LRRC4C: variants seen among roughly 807,000 people sequenced by gnomAD.
LRRC4C encodes leucine-rich repeat-containing protein 4C.
A neutral mutation model predicts 33.6 loss-of-function variants in LRRC4C; 5 were observed. The observed-to-expected ratio is 0.15, with a 90% CI of 0.08 to 0.31. The LOEUF (loss-of-function observed/expected upper bound fraction) is 0.31. Ranked by LOEUF, LRRC4C falls within the 10% of genes least tolerant of loss-of-function variation. The pLI is 1.00. For missense variants in LRRC4C, 560 were observed against 796.7 expected (o/e 0.70, Z 3.58); for synonymous variants, 329 against 302.0 (o/e 1.09, Z -0.93).
At chr11:41,184,457 C>A (rs1945598582) in intron 1 of LRRC4C, among the ~76,000 whole-genome samples, 1 of 152,098 alleles carries the variant, frequency 6.6e-6, no homozygotes, top group Admixed American at 6.6e-5. Context: ...AGGGCAGGGG[C>A]TAAATGACAC....
chr11:40,367,016 A>G (rs1005561661), intron 3 of LRRC4C, among the ~76,000 whole-genome samples: 3 of 152,098 alleles, frequency 2.0e-5, no homozygotes, highest in African/African-American at 7.2e-5. Flanking sequence ...AGCTCCTTTC[A>G]GAAGATTCTA....
chr11:40,191,871 A>G (rs758680031), intron 5 of LRRC4C, among the ~76,000 whole-genome samples: 3 of 152,138 alleles, frequency 2.0e-5, no homozygotes, highest in Non-Finnish European at 4.4e-5. Context: ...GAGGCAAAAG[A>G]ATCGCTTGAG....
intron 3 of LRRC4C, among the ~76,000 whole-genome samples, chr11:40,408,701 T>C (rs1950047469): frequency 6.6e-6 from 1 of 151,982 alleles, no homozygotes; most frequent in South Asian, 2.1e-4. Context: ...AGTAATATTT[T>C]GTGACACATG....
intron 3 of LRRC4C, among the ~76,000 whole-genome samples, chr11:40,444,790 T>C (rs1215384386): frequency 6.6e-6 from 1 of 152,202 alleles, no homozygotes; most frequent in African/African-American, 2.4e-5. Context: ...ACTGTCAAAT[T>C]CTCTCAGGAA....
chr11:40,279,897 T>G (rs1943357041), intron 4 of LRRC4C, among the ~76,000 whole-genome samples: 1 of 152,182 alleles, frequency 6.6e-6, no homozygotes, highest in Non-Finnish European at 1.5e-5. Context: ...ATAATTTCAT[T>G]TTAAAATCTT....
chr11:41,229,146 G>T (rs1947671853), intron 1 of LRRC4C, among the ~76,000 whole-genome samples: 1 of 152,068 alleles, frequency 6.6e-6, no homozygotes, highest in Non-Finnish European at 1.5e-5. Context: ...AAATTCATAT[G>T]TTGAAGGCCT....
intron 3 of LRRC4C, among the ~76,000 whole-genome samples, chr11:40,339,238 C>G (rs1031052827): frequency 6.6e-6 from 1 of 152,172 alleles, no homozygotes; most frequent in African/African-American, 2.4e-5. Context: ...GTCAGGTATG[C>G]TATCTTTTCT....
At chr11:41,003,781 T>C (rs1194294444) in intron 1 of LRRC4C, among the ~76,000 whole-genome samples, 1 of 151,984 alleles carries the variant, frequency 6.6e-6, no homozygotes, top group Non-Finnish European at 1.5e-5. Context: ...GCAATCCAAA[T>C]ACATTTCCTT....
intron 3 of LRRC4C, among the ~76,000 whole-genome samples, chr11:40,399,397 A>G (rs936709487): frequency 3.9e-5 from 6 of 152,076 alleles, no homozygotes; most frequent in African/African-American, 4.8e-5. Context: ...CATGGATGAA[A>G]CTGGAAATCA....
At chr11:41,149,313 G>C (rs1322524437) in intron 1 of LRRC4C, among the ~76,000 whole-genome samples, 1 of 151,858 alleles carries the variant, frequency 6.6e-6, no homozygotes, top group Non-Finnish European at 1.5e-5. Flanking sequence ...AGACCATCCC[G>C]GCTAAAAAAC....
intron 3 of LRRC4C, among the ~76,000 whole-genome samples, chr11:40,619,540 C>A (rs1412749281): frequency 1.3e-5 from 2 of 151,722 alleles, no homozygotes; most frequent in Non-Finnish European, 3.0e-5. Flanking sequence ...ATCCCTAGAA[C>A]ACTAGGAAAT....
intron 1 of LRRC4C, among the ~76,000 whole-genome samples, chr11:41,417,204 A>T (rs538146865): frequency 1.3e-3 from 201 of 152,196 alleles, no homozygotes; most frequent in African/African-American, 4.6e-3. Context: ...CAGTGACAAC[A>T]CTTAATGCCC....
intron 3 of LRRC4C, among the ~76,000 whole-genome samples, chr11:40,419,901 C>A (rs1950461581): frequency 6.6e-6 from 1 of 152,082 alleles, no homozygotes; most frequent in African/African-American, 2.4e-5. Context: ...GAATGAAGCA[C>A]CAGGTCCAGA....
chr11:40,825,949 G>T (rs968351942), intron 2 of LRRC4C, among the ~76,000 whole-genome samples: 2 of 65,576 alleles, frequency 3.0e-5, no homozygotes, highest in Non-Finnish European at 8.2e-5. Context: ...CTGGGGGGGG[G>T]GCGTCTCACA....
chr11:41,085,140 T>C (rs149023608), intron 1 of LRRC4C, among the ~76,000 whole-genome samples: 13 of 152,322 alleles, frequency 8.5e-5, no homozygotes, highest in African/African-American at 2.9e-4. Context: ...AGTTTAAGAA[T>C]TGGATATTGT....
intron 2 of LRRC4C, among the ~76,000 whole-genome samples, chr11:40,925,597 TAG>T (rs1957380784): frequency 6.6e-6 from 1 of 152,160 alleles, no homozygotes; most frequent in Non-Finnish European, 1.5e-5. Flanking sequence ...TTCCTCCAGG[TAG>T]AATAGATAAC....
chr11:40,555,896 A>C (rs544001864), intron 3 of LRRC4C, among the ~76,000 whole-genome samples: 1 of 152,232 alleles, frequency 6.6e-6, no homozygotes, highest in Admixed American at 6.5e-5. Context: ...AAATTTTAAA[A>C]CCTTGATCAT....
At chr11:40,274,169 G>T (rs1942917278) in intron 4 of LRRC4C, among the ~76,000 whole-genome samples, 1 of 151,906 alleles carries the variant, frequency 6.6e-6, no homozygotes, top group Non-Finnish European at 1.5e-5. Context: ...TTGGTCACTT[G>T]GCTGCTCCCC....
intron 4 of LRRC4C, among the ~76,000 whole-genome samples, chr11:40,275,860 G>A (rs938757617): frequency 2.6e-5 from 4 of 152,166 alleles, no homozygotes; most frequent in Non-Finnish European, 5.9e-5. Flanking sequence ...TCCACTATAT[G>A]TAAGGCATGA....
Sources: gnomAD v4.1 joint callset for allele counts (sites outside exome capture counted in the v4.1 genomes callset) on GRCh38, gnomAD v4.1.1 for gene constraint, MANE v1.5 for transcripts, NCBI Gene and HGNC (gene_info 2026-07-23, HGNC 2026-07-21) for gene names.